Variants in CFHR3 observed in about 807,000 individuals in gnomAD.
CFHR3 encodes the protein complement factor H-related protein 3.
Under a neutral mutation model 36.0 loss-of-function variants are expected in CFHR3, and 22 were observed. That is an observed-to-expected ratio of 0.61 (90% CI 0.44 to 0.87). CFHR3 has a LOEUF of 0.87. Ranked by LOEUF, CFHR3 falls within the 40% of genes least tolerant of loss-of-function variation. The pLI is 0.00. For missense variants in CFHR3, 276 were observed against 401.3 expected, an observed-to-expected ratio of 0.69 and a Z score of 2.67; for synonymous variants, 97 against 137.4, an observed-to-expected ratio of 0.71 and a Z score of 2.06.
At position 196,788,209 on chromosome 1, in the gene CFHR3, A is replaced by G; in HGVS notation, c.431-7A>G. 1 of 1,456,510 alleles carries G rather than the reference A, an allele frequency of 6.9e-7. No individual in the cohort carries two copies. The highest frequency in any genetic ancestry group is 1.4e-5 in the South Asian group (1 of 71,260). 90.2% of individuals were successfully genotyped at this position (1,456,510 alleles called of 1,614,324 possible). A position where few individuals can be genotyped will look rare whatever the true frequency, so the allele number is the denominator to read the frequency against. On this transcript the variant is annotated splice_polypyrimidine_tract_variant and splice_region_variant and intron_variant, in intron 3 of 5. Coordinates refer to ENST00000367425, the MANE Select transcript of CFHR3 (RefSeq NM_021023.6). ...ATTTACTTTTTTCTTGACTTTTTCT[A>G]TTTTAGGAACATGCTCAAAATCAGA...
chr1:196,789,606 A>G, intron 4 of CFHR3: 2 of 1,344,646 alleles, frequency 1.5e-6, no homozygotes, highest in Non-Finnish European at 9.9e-7. Flanking sequence ...AAATGGTTAC[A>G]TTAACTTTTA....
chr1:196,782,814 T>A (rs1240628454), intron 3 of CFHR3, among the ~76,000 whole-genome samples: 1 of 136,440 alleles, frequency 7.3e-6, no homozygotes, highest in East Asian at 2.0e-4. Context: ...CTGAAGGAGA[T>A]CCCTGGCCAG....
At chr1:196,776,346 T>C (rs1653718296) in intron 1 of CFHR3, among the ~76,000 whole-genome samples, 1 of 137,380 alleles carries the variant, frequency 7.3e-6, no homozygotes, top group Non-Finnish European at 1.5e-5. Context: ...AGTAACTCAT[T>C]TAGTGGAATA....
At chr1:196,788,886 A>C in intron 4 of CFHR3, 1 of 1,431,336 alleles carries the variant, frequency 7.0e-7, no homozygotes, top group Non-Finnish European at 9.2e-7. Context: ...GAGGATATCC[A>C]ATCAAAAAAT....
Position 196,778,129 on chromosome 1 carries a change from A to G in CFHR3, c.59-1033A>G, listed in dbSNP as rs1420953216. 2.1e-4 allele frequency among the ~76,000 whole-genome samples: 28 copies of G among 135,690 alleles called. 9 individuals carry two copies. Among genetic ancestry groups the G allele is most frequent in the African/African-American group, 8.6e-4 (28 of 32,412 alleles). 89.0% of individuals were successfully genotyped at this position (135,690 alleles called of 152,430 possible). A position where few individuals can be genotyped will look rare whatever the true frequency, so the allele number is the denominator to read the frequency against. On this transcript the variant is annotated intron_variant, in intron 1 of 5. Transcript: ENST00000367425. Reference sequence around the variant, plus strand: ...GGTTACACAGTGCAGGGAGATTTAGATTTTCCAATATGGAGGAGACACTCA... The same window carrying G: ...GGTTACACAGTGCAGGGAGATTTAGGTTTTCCAATATGGAGGAGACACTCA...
rs781400776 is a variant in CFHR3 at position 196,793,357 on chromosome 1, CAT to C, written c.839_840del (p.Ile280LysfsTer7). 2,365 of 1,519,668 alleles carry C rather than the reference CAT, an allele frequency of 1.6e-3. 368 individuals carry two copies. The highest frequency in any genetic ancestry group is 1.9e-3 in the Non-Finnish European group (2,174 of 1,123,928). 94.1% of individuals were successfully genotyped at this position (1,519,668 alleles called of 1,614,324 possible). The part of the protein sequence containing the change: ...ITEENMNKNN[I>X]KLKGRSDRKY... The stretch of plus-strand genomic sequence containing the variant: ...CTGAAGAAAACATGAATAAAAATAA[CAT>C]AAAGTTAAAAGGAAGAAGTGACAGA... On this transcript the variant is annotated frameshift_variant, in exon 6 of 6. Transcript: ENST00000367425. LOFTEE classifies it low-confidence loss of function (END_TRUNC).
intron 2 of CFHR3, 48 bp from the exon 3 acceptor site, chr1:196,779,749 T>G: frequency 6.9e-7 from 1 of 1,452,254 alleles, no homozygotes; most frequent in Non-Finnish European, 9.2e-7. Flanking sequence ...TTTGTGCAAA[T>G]TTATGTTTCT....
chr1:196,789,700 C>G, intron 4 of CFHR3: 1 of 1,474,800 alleles, frequency 6.8e-7, no homozygotes, highest in Non-Finnish European at 9.1e-7. Flanking sequence ...GTTATGGAAA[C>G]ACCACAGGTT....
chr1:196,792,654 C>A lies in CFHR3; in HGVS notation c.797-663C>A, dbSNP rs1654460697. Among the ~76,000 whole-genome samples, 2 of 135,698 alleles carry A rather than the reference C, an allele frequency of 1.5e-5. 1 individual carries two copies. The allele number at this position is 135,698 out of a possible 152,430, so 89.0% of individuals were successfully genotyped here. On this transcript the variant is annotated intron_variant, in intron 5 of 5. Transcript: ENST00000367425. Reference sequence around the variant, plus strand: ...TGAGACAGAGTAATTTGTCCATAATCATGTAGGGATTCATATTAACTCTGT... The same window carrying A: ...TGAGACAGAGTAATTTGTCCATAATAATGTAGGGATTCATATTAACTCTGT...
In CFHR3 at chr1:196,783,566, T is replaced by C. The variant is rs1224463271; in HGVS notation, c.430+3593T>C. On this transcript the variant is annotated intron_variant, in intron 3 of 5. Transcript: ENST00000367425. ...TGTGTCAAGGAATTTATCCATTTCT[T>C]CTAGATTTTCTAGTTTATTTGCGCA... is the stretch of plus-strand genomic sequence containing the variant. 1.4e-3 allele frequency among the ~76,000 whole-genome samples: 187 copies of C among 131,806 alleles called. 32 individuals carry two copies. The highest frequency in any genetic ancestry group is 6.0e-3 in the African/African-American group (179 of 29,866). 86.5% of individuals were successfully genotyped at this position (131,806 alleles called of 152,430 possible). A position where few individuals can be genotyped will look rare whatever the true frequency, so the allele number is the denominator to read the frequency against.
At chr1:196,776,878 T>A (rs1351087984) in intron 1 of CFHR3, among the ~76,000 whole-genome samples, 1 of 136,124 alleles carries the variant, frequency 7.3e-6, no homozygotes, top group East Asian at 2.0e-4. Flanking sequence ...TTAGAGGGTA[T>A]TCATCAGAAT....
chr1:196,791,240 C>A (rs1240216162), intron 5 of CFHR3, among the ~76,000 whole-genome samples: 1 of 136,152 alleles, frequency 7.3e-6, no homozygotes, highest in Non-Finnish European at 1.6e-5. Context: ...CTAAAAACCC[C>A]TCAAGCCAGT....
intron 3 of CFHR3, among the ~76,000 whole-genome samples, chr1:196,781,682 A>G (rs1312365797): frequency 1.5e-5 from 2 of 134,516 alleles, no homozygotes; most frequent in Non-Finnish European, 3.1e-5. Context: ...GTTTGAGTTC[A>G]TTGTAGATTC....
At chr1:196,777,163 T>C (rs1262408557) in intron 1 of CFHR3, among the ~76,000 whole-genome samples, 1 of 137,120 alleles carries the variant, frequency 7.3e-6, no homozygotes, top group Non-Finnish European at 1.5e-5. Flanking sequence ...ACAGAAAATT[T>C]GTAATTGCAA....
In CFHR3 at chr1:196,775,671, T is replaced by C. The variant is rs1184287118; in HGVS notation, c.58+727T>C. ...TCATATATTTTCTGTATTAATTATCTTTTTGAATGCAGGCCTTGCATATTA... is the reference window on the plus strand; with the variant it reads ...TCATATATTTTCTGTATTAATTATCCTTTTGAATGCAGGCCTTGCATATTA... On this transcript the variant is annotated intron_variant, in intron 1 of 5. Coordinates refer to ENST00000367425, the MANE Select transcript of CFHR3 (RefSeq NM_021023.6). Among the ~76,000 whole-genome samples the C allele has an allele frequency of 1.5e-5, 2 of 137,312 alleles. 1 individual carries two copies. Among genetic ancestry groups the C allele is most frequent in the Non-Finnish European group, 3.1e-5 (2 of 64,548 alleles). 90.1% of individuals were successfully genotyped at this position (137,312 alleles called of 152,430 possible).
Position 196,782,161 on chromosome 1 carries a change from T to A in CFHR3, c.430+2188T>A, listed in dbSNP as rs1274856683. 9.5e-5 allele frequency among the ~76,000 whole-genome samples: 13 copies of A among 137,396 alleles called. 3 individuals are homozygous for A. The highest frequency in any genetic ancestry group is 3.9e-4 in the African/African-American group (13 of 32,946). The allele number at this position is 137,396 out of a possible 152,430, so 90.1% of individuals were successfully genotyped here. Reference sequence around the variant, plus strand: ...GGCTCTGTTCTGTTCCATTGATCTATATCTCTGTTTTGGTAGCAGTACCAT... The same window carrying A: ...GGCTCTGTTCTGTTCCATTGATCTAAATCTCTGTTTTGGTAGCAGTACCAT... On this transcript the variant is annotated intron_variant, in intron 3 of 5. Transcript: ENST00000367425.
At chr1:196,788,488 A>G in intron 4 of CFHR3, 90 bp downstream of exon 4, 1 of 1,476,650 alleles carries the variant, frequency 6.8e-7, no homozygotes, top group Non-Finnish European at 9.1e-7. Context: ...ATAGAAAACA[A>G]TTTTAGGAGT....
intron 1 of CFHR3, 56 bp downstream of exon 1, chr1:196,775,000 A>G: frequency 7.5e-7 from 1 of 1,324,624 alleles, no homozygotes; most frequent in Non-Finnish European, 1.1e-6. Context: ...ACTTCATGTA[A>G]TATCTAGCTT....
rs111383822 is a variant in CFHR3 at position 196,779,580 on chromosome 1, A to T, written c.254-217A>T. On this transcript the variant is annotated intron_variant, in intron 2 of 5. Coordinates refer to ENST00000367425, the MANE Select transcript of CFHR3 (RefSeq NM_021023.6). Reference sequence around the variant, plus strand: ...ATGAGAATATCTATATAGTTTATACATATTTTAATTATGAAAACTAAAGAG... The same window carrying T: ...ATGAGAATATCTATATAGTTTATACTTATTTTAATTATGAAAACTAAAGAG... Among the ~76,000 whole-genome samples the T allele has an allele frequency of 1.5e-3, 202 of 137,094 alleles. 56 individuals carry two copies. The highest frequency in any genetic ancestry group is 5.9e-3 in the African/African-American group (193 of 32,904). 89.9% of individuals were successfully genotyped at this position (137,094 alleles called of 152,430 possible). A position where few individuals can be genotyped will look rare whatever the true frequency, so the allele number is the denominator to read the frequency against.
Sources: gnomAD v4.1 joint callset for allele counts (sites outside exome capture counted in the v4.1 genomes callset) on GRCh38, gnomAD v4.1.1 for gene constraint, MANE v1.5 for transcripts, NCBI Gene and HGNC (gene_info 2026-07-23, HGNC 2026-07-21) for gene names.